NOTO: variants seen among roughly 807,000 people sequenced by gnomAD.
NOTO encodes notochord homeobox, also known as homeobox protein notochord.
Under a neutral mutation model 20.5 loss-of-function variants are expected in NOTO, and 19 were observed. That is an observed-to-expected ratio of 0.93 (90% CI 0.65 to 1.36). NOTO has a LOEUF of 1.36. NOTO is among the 40% of genes most tolerant of loss of function. NOTO has a pLI of 0.00. For missense variants in NOTO, 369 were observed against 336.2 expected (o/e 1.10, Z -0.76); for synonymous variants, 150 against 150.2 (o/e 1.00, Z 0.01).
At chr2:73,208,345 C>T in intron 1 of NOTO, 55 bp from the exon 2 acceptor site, 1 of 1,280,628 alleles carries the variant, frequency 7.8e-7, no homozygotes, top group Non-Finnish European at 1.1e-6. Context: ...CAGGGGGCTT[C>T]TGGCTAACCT....
chr2:73,211,779 T>C lies in NOTO; in HGVS notation c.*850T>C, dbSNP rs2103699564. ...ACCACCCGGCCCAACCCTGCCCTTT[T>C]TGTTTTTTATGGAGTCTTAAGGTCT... is the stretch of plus-strand genomic sequence containing the variant. On this transcript the variant is annotated 3_prime_UTR_variant, in exon 3 of 3. Transcript: ENST00000398468. 1 of 152,346 alleles carries C rather than the reference T, an allele frequency of 6.6e-6. No homozygotes were observed. Among genetic ancestry groups the C allele is most frequent in the South Asian group, 2.1e-4 (1 of 4,822 alleles). 9.4% of individuals were successfully genotyped at this position (152,346 alleles called of 1,614,324 possible).
Position 73,202,943 on chromosome 2 carries a change from G to A in NOTO, c.277G>A (p.Ala93Thr). 6.6e-7 allele frequency: 1 copy of A among 1,517,180 alleles called. No individual in the cohort carries two copies. The highest frequency in any genetic ancestry group is 2.0e-5 in the Admixed American group (1 of 48,790). 94.0% of individuals were successfully genotyped at this position (1,517,180 alleles called of 1,614,324 possible). ...GTGCGCCACCGGGGGTCTGCCCTGG[G>A]CTTGCCCGACATCGTGGCTGCCCGC... ...SLCATGGLPW[A>T]CPTSWLPAYL... is the part of the protein sequence containing the mutation. Residue 93 changes from alanine to threonine, a missense_variant, in exon 1 of 3, where the codon GCT (alanine) becomes ACT (threonine). By Grantham distance (58) the Ala-to-Thr change is moderately conservative. Transcript: ENST00000398468.
intron 1 of NOTO, among the ~76,000 whole-genome samples, chr2:73,207,552 TC>T (rs1686105548): frequency 6.6e-6 from 1 of 151,974 alleles, no homozygotes; most frequent in East Asian, 1.9e-4. Flanking sequence ...AGCTGATGAC[TC>T]CCAATTTTTT....
chr2:73,205,503 A>G (rs1686077444), intron 1 of NOTO, among the ~76,000 whole-genome samples: 1 of 152,222 alleles, frequency 6.6e-6, no homozygotes, highest in African/African-American at 2.4e-5. Flanking sequence ...GTCTCAAAAA[A>G]TTAAAAAAGA....
At chr2:73,205,446 C>T (rs1355420551) in intron 1 of NOTO, among the ~76,000 whole-genome samples, 3 of 152,006 alleles carry the variant, frequency 2.0e-5, no homozygotes, top group Non-Finnish European at 2.9e-5. Flanking sequence ...TGCAGTGAGC[C>T]GAGGTCAAGC....
intron 1 of NOTO, among the ~76,000 whole-genome samples, chr2:73,206,623 G>T (rs555113623): frequency 6.6e-6 from 1 of 152,142 alleles, no homozygotes; most frequent in South Asian, 2.1e-4. Context: ...ATAGGCATGA[G>T]CCACTGTGCC....
intron 1 of NOTO, among the ~76,000 whole-genome samples, chr2:73,205,008 G>A (rs960079888): frequency 6.6e-6 from 1 of 151,674 alleles, no homozygotes; most frequent in African/African-American, 2.4e-5. Flanking sequence ...AGCCTCCCGA[G>A]TAGCTGGTAC....
Position 73,204,881 on chromosome 2 carries a change from TTTTTTA to T in NOTO, c.382+1839_382+1844del, listed in dbSNP as rs1290593861. On this transcript the variant is annotated intron_variant, in intron 1 of 2. Coordinates refer to ENST00000398468, the MANE Select transcript of NOTO (RefSeq NM_001134462.2). The stretch of plus-strand genomic sequence containing the variant: ...ACCATGCCCGGCTAATTTTTTTTAT[TTTTTTA>T]TTTTTTTTTTTTGAGGCGGAGTCTT... 3.1e-3 allele frequency among the ~76,000 whole-genome samples: 332 copies of T among 105,778 alleles called. 31 individuals are homozygous for T. Among genetic ancestry groups the T allele is most frequent in the African/African-American group, 8.0e-3 (250 of 31,286 alleles). The allele number at this position is 105,778 out of a possible 152,430, so 69.4% of individuals were successfully genotyped here. A position where few individuals can be genotyped will look rare whatever the true frequency, so the allele number is the denominator to read the frequency against.
rs1686044823 is a variant in NOTO, at chr2:73,203,861, G to A, written c.382+813G>A. 1.4e-5 allele frequency among the ~76,000 whole-genome samples: 2 copies of A among 144,784 alleles called. 1 individual carries two copies. The highest frequency in any genetic ancestry group is 4.3e-4 in the South Asian group (2 of 4,614). The allele number at this position is 144,784 out of a possible 152,430, so 95.0% of individuals were successfully genotyped here. ...CACGCCTGTAATCCCAGCACTTTGG[G>A]AGGCCGAGACGGGCGGATCACGAGG... On this transcript the variant is annotated intron_variant, in intron 1 of 2. Transcript: ENST00000398468.
At position 73,208,528 on chromosome 2, in the gene NOTO, T is replaced by C; in HGVS notation, c.511T>C (p.Leu171=). The change falls in exon 2 of 3, where the codon TTG becomes CTG. Residue 171 remains leucine (L), a synonymous_variant. Coordinates refer to ENST00000398468, the MANE Select transcript of NOTO (RefSeq NM_001134462.2). ...GTTTAACTTGGAGCAGCTGGAAGAG[T>C]TGGAGAAAGTGTTTGCAAAACAGCA... is the stretch of plus-strand genomic sequence containing the variant. ...TMFNLEQLEE[L]EKVFAKQHNL... The C allele has an allele frequency of 6.4e-7, 1 of 1,550,796 alleles. No individual in the cohort carries two copies. The highest frequency in any genetic ancestry group is 8.7e-7 in the Non-Finnish European group (1 of 1,146,808).
At chr2:73,204,785 A>G (rs1574334728) in intron 1 of NOTO, among the ~76,000 whole-genome samples, 1 of 150,336 alleles carries the variant, frequency 6.7e-6, no homozygotes, top group South Asian at 2.1e-4. Context: ...GCTCACTACA[A>G]CCTCCTCCTT....
chr2:73,210,405 C>T (rs1686162510), intron 2 of NOTO, among the ~76,000 whole-genome samples: 1 of 152,234 alleles, frequency 6.6e-6, no homozygotes, highest in Admixed American at 6.5e-5. Flanking sequence ...CTTAGGGAGG[C>T]CTCCTCTGCC....
intron 2 of NOTO, among the ~76,000 whole-genome samples, chr2:73,209,635 T>C (rs886648452): frequency 2.0e-5 from 3 of 152,100 alleles, no homozygotes; most frequent in African/African-American, 7.2e-5. Flanking sequence ...TCGAAATCTC[T>C]TCCCAGCTGG....
intron 1 of NOTO, among the ~76,000 whole-genome samples, chr2:73,204,870 A>ATTTTTT (rs763001329): frequency 0.018 from 1,631 of 92,386 alleles, 219 homozygotes; most frequent in African/African-American, 0.031. Flanking sequence ...TGCCCGGCTA[A>ATTTTTT]TTTTTTTTAT....
intron 1 of NOTO, among the ~76,000 whole-genome samples, chr2:73,205,197 T>C (rs774489252): frequency 9.9e-5 from 15 of 152,184 alleles, no homozygotes; most frequent in African/African-American, 3.4e-4. Flanking sequence ...AATCTATTTG[T>C]AGATGCTCTT....
intron 1 of NOTO, among the ~76,000 whole-genome samples, chr2:73,203,452 C>T (rs1686035590): frequency 6.8e-6 from 1 of 146,954 alleles, no homozygotes; most frequent in South Asian, 2.1e-4. Flanking sequence ...TCGACCCGAA[C>T]CAATGGCCCT....
intron 1 of NOTO, among the ~76,000 whole-genome samples, chr2:73,203,496 C>A (rs1422222223): frequency 6.6e-6 from 1 of 151,764 alleles, no homozygotes; most frequent in Non-Finnish European, 1.5e-5. Flanking sequence ...GGGAAGTGGA[C>A]GCTCCGGGCG....
rs559262572 is a variant in NOTO at position 73,211,715 on chromosome 2, C to G, written c.*786C>G. The G allele has an allele frequency of 6.6e-6, 1 of 152,374 alleles. No homozygotes were observed. Among genetic ancestry groups the G allele is most frequent in the South Asian group, 2.1e-4 (1 of 4,828 alleles). The allele number at this position is 152,374 out of a possible 1,614,324, so 9.4% of individuals were successfully genotyped here. ...AACTGCTGACCTTGTGATCCACCCA[C>G]CTCGGCCTCCCAAAGTGCTGGGATT... is the stretch of plus-strand genomic sequence containing the variant. On this transcript the variant is annotated 3_prime_UTR_variant, in exon 3 of 3. Coordinates refer to ENST00000398468, the MANE Select transcript of NOTO (RefSeq NM_001134462.2).
Position 73,212,511 on chromosome 2 carries a change from C to CT in NOTO, c.*1583dup, listed in dbSNP as rs1167453590. Reference sequence around the variant, plus strand: ...GTTATAATTTCCCCCTTTCATGACTCTGACTCATGGCTCCTTTTTCTTCTC... The same window carrying CT: ...GTTATAATTTCCCCCTTTCATGACTCTTGACTCATGGCTCCTTTTTCTTCTC... On this transcript the variant is annotated 3_prime_UTR_variant, in exon 3 of 3. Transcript: ENST00000398468. The CT allele has an allele frequency of 3.3e-5, 5 of 152,392 alleles. No homozygotes were observed. The highest frequency in any genetic ancestry group is 1.2e-4 in the African/African-American group (5 of 41,588). The allele number at this position is 152,392 out of a possible 1,614,324, so 9.4% of individuals were successfully genotyped here.
Sources: allele counts gnomAD v4.1 joint callset (sites outside exome capture counted in the v4.1 genomes callset), GRCh38; gene constraint gnomAD v4.1.1; transcripts MANE v1.5; gene names NCBI Gene and HGNC (gene_info 2026-07-23, HGNC 2026-07-21).